The following GPHN variants were observed in gnomAD, a reference collection of about 807,000 sequenced individuals.
The protein encoded by GPHN is gephyrin.
In GPHN, 17 loss-of-function variants were observed where a neutral mutation model predicts 95.5. The ratio of observed to expected loss-of-function variants is 0.18; its 90% CI spans 0.12 to 0.27. GPHN has a LOEUF of 0.27. Ranked by LOEUF, GPHN falls within the 10% of genes least tolerant of loss-of-function variation. The pLI, the probability that GPHN is intolerant of heterozygous loss-of-function variation, is 1.00. For synonymous variants in GPHN, 320 were observed against 322.5 expected (o/e 0.99, Z 0.08); for missense variants, 660 against 978.1 (o/e 0.67, Z 4.34).
chr14:67,642,756 C>CATTTCTG, the GPHN span, among the ~76,000 whole-genome samples: 1 of 146,256 alleles, frequency 6.8e-6, no homozygotes, highest in Admixed American at 6.9e-5. Context: ...TGCTAATAGA[C>CATTTCTG]CTGTTAGAAA....
At chr14:67,171,208 TA>T (rs34450266) in intron 21 of GPHN, among the ~76,000 whole-genome samples, 5 of 148,354 alleles carry the variant, frequency 3.4e-5, no homozygotes, top group East Asian at 2.0e-4. Context: ...AAAGAAAATG[TA>T]AAAAAAAAAT....
chr14:67,565,219 GTAGT>G, the GPHN span, among the ~76,000 whole-genome samples: 1 of 152,032 alleles, frequency 6.6e-6, no homozygotes, highest in Non-Finnish European at 1.5e-5. Context: ...AGGTCATGTA[GTAGT>G]TAGTGAGGGA....
the GPHN span, among the ~76,000 whole-genome samples, chr14:67,700,934 G>A: frequency 7.0e-6 from 1 of 142,094 alleles, no homozygotes; most frequent in South Asian, 2.2e-4. Context: ...TGAGGCAGGA[G>A]AATCACTTGA....
intron 3 of GPHN, among the ~76,000 whole-genome samples, chr14:66,814,278 A>G (rs1451237642): frequency 2.6e-5 from 4 of 152,182 alleles, no homozygotes; most frequent in Non-Finnish European, 5.9e-5. Context: ...TATGATGGTC[A>G]GCACCCTGCC....
the GPHN span, chr14:67,312,525 A>C: frequency 1.9e-6 from 3 of 1,563,750 alleles, no homozygotes; most frequent in Non-Finnish European, 1.7e-6. Context: ...TTTATCTTTT[A>C]GATCCATGTA....
intron 2 of GPHN, among the ~76,000 whole-genome samples, chr14:66,740,909 T>A (rs559528600): frequency 1.3e-5 from 2 of 152,242 alleles, no homozygotes; most frequent in South Asian, 4.2e-4. Context: ...AAAGAAAAAA[T>A]TTATTTCTTA....
chr14:67,575,373 G>C, the GPHN span: 5 of 1,532,046 alleles, frequency 3.3e-6, no homozygotes, highest in South Asian at 4.7e-5. Context: ...CATAATGCCA[G>C]TTCATTTCTG....
chr14:67,600,267 T>C, the GPHN span: 6 of 1,371,800 alleles, frequency 4.4e-6, no homozygotes, highest in Non-Finnish European at 5.8e-6. Flanking sequence ...CCTGGCCGTC[T>C]CGCCCGCTCC....
the GPHN span, among the ~76,000 whole-genome samples, chr14:67,641,877 A>C: frequency 2.0e-5 from 3 of 152,146 alleles, no homozygotes; most frequent in African/African-American, 7.2e-5. Flanking sequence ...ATTTTCTTTA[A>C]GATTGTTGGT....
At chr14:66,660,556 T>A (rs1477474139) in intron 1 of GPHN, among the ~76,000 whole-genome samples, 2 of 152,166 alleles carry the variant, frequency 1.3e-5, no homozygotes, top group African/African-American at 2.4e-5. Flanking sequence ...TTTTTTCATG[T>A]CTGAAGAGTA....
chr14:67,088,905 C>A, intron 11 of GPHN, 78 bp from the exon 12 acceptor site: 1 of 808,608 alleles, frequency 1.2e-6, no homozygotes, highest in Non-Finnish European at 2.2e-6. Flanking sequence ...GACAAGCACT[C>A]ATGCCCATCT....
At chr14:66,806,594 A>T (rs954673778) in intron 3 of GPHN, among the ~76,000 whole-genome samples, 3 of 152,158 alleles carry the variant, frequency 2.0e-5, no homozygotes, top group Admixed American at 2.0e-4. Flanking sequence ...GTTGCTTAGA[A>T]ATTTCTTCCA....
chr14:67,419,844 G>A, the GPHN span, among the ~76,000 whole-genome samples: 5 of 147,826 alleles, frequency 3.4e-5, no homozygotes, highest in Admixed American at 6.7e-5. Flanking sequence ...GCCAGCCTCC[G>A]TCTCAAAAAA....
the GPHN span, among the ~76,000 whole-genome samples, chr14:67,499,255 C>T: frequency 2.6e-5 from 4 of 152,218 alleles, no homozygotes; most frequent in African/African-American, 4.8e-5. Flanking sequence ...CCTCCTGCCT[C>T]GACCTCCCAA....
chr14:67,725,205 C>T, the GPHN span: 1 of 1,614,042 alleles, frequency 6.2e-7, no homozygotes, highest in Non-Finnish European at 8.5e-7. Context: ...GGAAATTGGA[C>T]CTATCCGACA....
intron 1 of GPHN, among the ~76,000 whole-genome samples, chr14:66,643,259 G>A (rs1334164225): frequency 6.6e-6 from 1 of 152,002 alleles, no homozygotes; most frequent in Non-Finnish European, 1.5e-5. Flanking sequence ...TTTTCCAAGT[G>A]TTTGTAAGGA....
chr14:66,654,464 C>T (rs1172439387), intron 1 of GPHN, among the ~76,000 whole-genome samples: 2 of 152,128 alleles, frequency 1.3e-5, no homozygotes, highest in African/African-American at 2.4e-5. Flanking sequence ...TGCAAATCCT[C>T]TTGAATGAAA....
At chr14:67,729,483 C>T in the GPHN span, 3 of 1,191,526 alleles carry the variant, frequency 2.5e-6, no homozygotes, top group Non-Finnish European at 3.7e-6. Context: ...CCTGATGATG[C>T]AATCCAGGTT....
In GPHN at chr14:67,077,285, G is replaced by T. The variant is rs573337850; in HGVS notation, c.1145-11698G>T. ...TATTCAACACTTTGTTATAAAATAG[G>T]CTTTGTGTTAGATGATTCTGCCCAA... is the stretch of plus-strand genomic sequence containing the variant. On this transcript the variant is annotated intron_variant, in intron 11 of 22. Transcript: ENST00000478722. 5.9e-5 allele frequency among the ~76,000 whole-genome samples: 9 copies of T among 152,164 alleles called. No homozygotes were observed. In the East Asian group the frequency reaches 1.5e-3, roughly 26 times the overall value.
Sources: allele counts gnomAD v4.1 joint callset (sites outside exome capture counted in the v4.1 genomes callset), GRCh38; gene constraint gnomAD v4.1.1; transcripts MANE v1.5; gene names NCBI Gene and HGNC (gene_info 2026-07-23, HGNC 2026-07-21).